The following OR9Q1 variants were observed in gnomAD, a reference collection of about 807,000 sequenced individuals.
OR9Q1 encodes the protein olfactory receptor family 9 subfamily Q member 1.
For missense variants in OR9Q1, 374 were observed against 378.8 expected, an observed-to-expected ratio of 0.99 and a Z score of 0.11; for synonymous variants, 153 against 148.6, an observed-to-expected ratio of 1.03 and a Z score of -0.22.
chr11:58,088,209 T>C (rs1412568542), intron 2 of OR9Q1, among the ~76,000 whole-genome samples: 1 of 152,018 alleles, frequency 6.6e-6, no homozygotes, highest in African/African-American at 2.4e-5. Context: ...ATTTTCTTAA[T>C]GCAGTCTATC....
intron 2 of OR9Q1, among the ~76,000 whole-genome samples, chr11:58,141,443 T>C (rs949900913): frequency 1.3e-5 from 2 of 152,244 alleles, no homozygotes; most frequent in Middle Eastern, 3.2e-3. Flanking sequence ...TGTTGAATTT[T>C]GTTAAAGGCC....
chr11:58,072,391 G>A (rs1853496618), intron 2 of OR9Q1: 1 of 153,818 alleles, frequency 6.5e-6, no homozygotes, highest in African/African-American at 2.4e-5. Flanking sequence ...TTTCTGGCTG[G>A]ATTTTTCTTC....
At chr11:58,140,048 A>T (rs923070702) in intron 2 of OR9Q1, among the ~76,000 whole-genome samples, 3 of 151,968 alleles carry the variant, frequency 2.0e-5, no homozygotes, top group African/African-American at 7.3e-5. Flanking sequence ...GATGATGAGC[A>T]TTTTTTCATG....
intron 2 of OR9Q1, among the ~76,000 whole-genome samples, chr11:58,162,411 T>C (rs1387550447): frequency 6.6e-6 from 1 of 152,214 alleles, no homozygotes; most frequent in Non-Finnish European, 1.5e-5. Flanking sequence ...AATGAATCCA[T>C]GCTGCTAAAA....
intron 2 of OR9Q1, among the ~76,000 whole-genome samples, chr11:58,152,062 A>T (rs530499258): frequency 6.6e-6 from 1 of 152,162 alleles, no homozygotes; most frequent in African/African-American, 2.4e-5. Flanking sequence ...CCAGGAGAAC[A>T]GCGGTCCTGA....
chr11:58,050,311 G>C (rs1477686164), intron 1 of OR9Q1, among the ~76,000 whole-genome samples: 2 of 144,338 alleles, frequency 1.4e-5, no homozygotes, highest in Admixed American at 7.1e-5. Flanking sequence ...ACAACTATCT[G>C]ATCTTTGACA....
intron 2 of OR9Q1, among the ~76,000 whole-genome samples, chr11:58,176,234 AAGTTAGATAC>A (rs146993374): frequency 0.022 from 3,390 of 152,292 alleles, 117 homozygotes; most frequent in African/African-American, 0.076. Context: ...GAAGAAATTA[AAGTTAGATAC>A]ATCTAACTCC....
intron 1 of OR9Q1, chr11:58,031,811 C>T: frequency 6.2e-7 from 1 of 1,614,058 alleles, no homozygotes; most frequent in South Asian, 1.1e-5. Flanking sequence ...TGTTGTCACG[C>T]CCATGCTCAA....
intron 2 of OR9Q1, among the ~76,000 whole-genome samples, chr11:58,067,124 C>T (rs1017465080): frequency 2.6e-5 from 4 of 151,878 alleles, no homozygotes; most frequent in South Asian, 2.1e-4. Flanking sequence ...TTCCATCTCC[C>T]GGGTTCACGC....
At chr11:58,142,359 T>C (rs1854258223) in intron 2 of OR9Q1, among the ~76,000 whole-genome samples, 2 of 152,166 alleles carry the variant, frequency 1.3e-5, no homozygotes, top group Non-Finnish European at 2.9e-5. Context: ...AATAAATAGA[T>C]GAATATAGCC....
At chr11:58,159,693 C>T (rs1187880524) in intron 2 of OR9Q1, among the ~76,000 whole-genome samples, 3 of 152,152 alleles carry the variant, frequency 2.0e-5, no homozygotes, top group East Asian at 1.9e-4. Flanking sequence ...AAAGTAATTG[C>T]CACAGTCTAA....
At chr11:58,119,262 G>C in intron 2 of OR9Q1, 1 of 1,614,014 alleles carries the variant, frequency 6.2e-7, no homozygotes, top group East Asian at 2.2e-5. Context: ...GGCTCAGGAA[G>C]AAGTACATTG....
At chr11:58,031,583 C>T in intron 1 of OR9Q1, 1 of 1,614,034 alleles carries the variant, frequency 6.2e-7, no homozygotes, top group Non-Finnish European at 8.5e-7. Flanking sequence ...TCTGGCTGTG[C>T]TACTGGCCTC....
intron 2 of OR9Q1, among the ~76,000 whole-genome samples, chr11:58,066,094 C>T (rs988582867): frequency 2.0e-5 from 3 of 151,720 alleles, no homozygotes; most frequent in African/African-American, 7.3e-5. Context: ...AAGGTGGCTC[C>T]CTCCCCTCCC....
At chr11:58,140,703 T>G (rs1854239007) in intron 2 of OR9Q1, among the ~76,000 whole-genome samples, 1 of 152,208 alleles carries the variant, frequency 6.6e-6, no homozygotes, top group Admixed American at 6.5e-5. Flanking sequence ...TGTGGTATGG[T>G]TTGAAGTCAG....
chr11:58,031,934 G>C (rs1413325571), intron 1 of OR9Q1: 1 of 1,349,900 alleles, frequency 7.4e-7, no homozygotes, highest in Non-Finnish European at 1.0e-6. Flanking sequence ...CAGTTTCCTT[G>C]CCTTGGATAT....
chr11:58,180,204 C>T lies in OR9Q1; in HGVS notation c.760C>T (p.Leu254Phe). ...TGCTGTGTCACTCTTCTTTGGTACC[C>T]TCATCTTCATGTACTTGAGAGGTAA... ...LTAVSLFFGT[L>F]IFMYLRGNSD... Residue 254 changes from leucine (L) to phenylalanine (F), a missense_variant, in exon 3 of 3, where the codon CTC (leucine) becomes TTC (phenylalanine). By Grantham distance (22) the Leu-to-Phe change is conservative. Transcript: ENST00000335397. The T allele has an allele frequency of 2.5e-6, 4 of 1,614,076 alleles. No homozygotes were observed. The highest frequency in any genetic ancestry group is 3.4e-6 in the Non-Finnish European group (4 of 1,179,972).
intron 2 of OR9Q1, among the ~76,000 whole-genome samples, chr11:58,164,145 T>C (rs999989802): frequency 3.9e-5 from 6 of 152,052 alleles, no homozygotes; most frequent in Non-Finnish European, 8.8e-5. Flanking sequence ...TTGTCTCGGC[T>C]TGCAGGGGTT....
chr11:58,173,203 G>A (rs553006258), intron 2 of OR9Q1, among the ~76,000 whole-genome samples: 6 of 151,830 alleles, frequency 4.0e-5, no homozygotes, highest in African/African-American at 1.4e-4. Context: ...TGTTACATAT[G>A]TATACATGTG....
Sources: allele counts gnomAD v4.1 joint callset (sites outside exome capture counted in the v4.1 genomes callset), GRCh38; gene constraint gnomAD v4.1.1; transcripts MANE v1.5; gene names NCBI Gene and HGNC (gene_info 2026-07-23, HGNC 2026-07-21).